Variants in CCDC178 observed in about 807,000 individuals in gnomAD.
CCDC178 encodes coiled-coil domain-containing protein 178.
In CCDC178, 126 loss-of-function variants were observed where a neutral mutation model predicts 117.4. That is an observed-to-expected ratio of 1.07 (90% CI 0.93 to 1.24). The LOEUF is 1.24. Ranked by LOEUF, CCDC178 falls within the 50% of genes most tolerant of loss-of-function variation. The probability of loss-of-function intolerance (pLI) is 0.00; values close to 1 mark genes in which losing one functional copy is unlikely to be tolerated. For synonymous variants in CCDC178, 283 were observed against 313.4 expected, an observed-to-expected ratio of 0.90 and a Z score of 1.02; for missense variants, 1,030 against 986.9, an observed-to-expected ratio of 1.04 and a Z score of -0.59.
At chr18:33,189,677 A>G (rs1050625368) in intron 20 of CCDC178, among the ~76,000 whole-genome samples, 8 of 152,176 alleles carry the variant, frequency 5.3e-5, no homozygotes, top group Admixed American at 3.9e-4. Context: ...AAGTATTTGC[A>G]ATTGACTTTA....
chr18:33,416,605 C>T (rs115883814), intron 2 of CCDC178, among the ~76,000 whole-genome samples: 9 of 152,196 alleles, frequency 5.9e-5, no homozygotes, highest in African/African-American at 2.2e-4. Context: ...AAGAACCACA[C>T]CCTACTCTCC....
At chr18:33,337,648 T>C (rs1227422895) in intron 9 of CCDC178, among the ~76,000 whole-genome samples, 1 of 151,796 alleles carries the variant, frequency 6.6e-6, no homozygotes, top group Non-Finnish European at 1.5e-5. Context: ...CAAAACAACA[T>C]AAAGTGAGGA....
intron 9 of CCDC178, among the ~76,000 whole-genome samples, chr18:33,334,188 T>A (rs896149383): frequency 2.0e-5 from 3 of 152,160 alleles, no homozygotes; most frequent in African/African-American, 4.8e-5. Flanking sequence ...CTTACCTATA[T>A]ATAAATATGT....
rs552627889 is a variant in CCDC178, at chr18:33,311,246, G to C, written c.1022+12245C>G. ...GGAGGAAGTGGGACTGAGCCCATAAGTACAAGACAAACAATCCTATTTTAT... is the reference window on the plus strand; with the variant it reads ...GGAGGAAGTGGGACTGAGCCCATAACTACAAGACAAACAATCCTATTTTAT... On this transcript the variant is annotated intron_variant, in intron 11 of 22. Coordinates refer to ENST00000383096, the MANE Select transcript of CCDC178 (RefSeq NM_001105528.4). Among the ~76,000 whole-genome samples, 81 of 152,306 alleles carry C rather than the reference G, an allele frequency of 5.3e-4. 1 individual carries two copies. The highest frequency in any genetic ancestry group is 1.8e-3 in the African/African-American group (76 of 41,562).
intron 11 of CCDC178, among the ~76,000 whole-genome samples, chr18:33,314,509 T>A (rs543383804): frequency 2.6e-5 from 4 of 151,920 alleles, no homozygotes; most frequent in Non-Finnish European, 5.9e-5. Context: ...CAAAGAAAAA[T>A]AAAACTGAAG....
At chr18:33,194,047 A>G (rs2058895806) in intron 20 of CCDC178, among the ~76,000 whole-genome samples, 2 of 152,290 alleles carry the variant, frequency 1.3e-5, no homozygotes, top group African/African-American at 2.4e-5. Flanking sequence ...TCATGGCCTG[A>G]ACACCCTCCG....
intron 20 of CCDC178, among the ~76,000 whole-genome samples, chr18:33,156,234 A>G (rs1424466997): frequency 6.6e-6 from 1 of 151,520 alleles, no homozygotes; most frequent in Non-Finnish European, 1.5e-5. Context: ...GATTAAAGGC[A>G]CCTGCCACCA....
At chr18:33,418,445 C>T (rs1281095760) in intron 2 of CCDC178, among the ~76,000 whole-genome samples, 1 of 152,104 alleles carries the variant, frequency 6.6e-6, no homozygotes, top group African/African-American at 2.4e-5. Flanking sequence ...CAAGGATTCC[C>T]ACTGTCACCA....
At chr18:32,955,173 C>A (rs2054569184) in intron 22 of CCDC178, among the ~76,000 whole-genome samples, 1 of 152,174 alleles carries the variant, frequency 6.6e-6, no homozygotes, top group African/African-American at 2.4e-5. Context: ...TATCATCTCC[C>A]TCTTTTTCTT....
intron 22 of CCDC178, among the ~76,000 whole-genome samples, chr18:32,953,095 G>A (rs1454248054): frequency 6.6e-6 from 1 of 152,030 alleles, no homozygotes; most frequent in African/African-American, 2.4e-5. Flanking sequence ...TTTATGCTCT[G>A]TCACCTCTTG....
Position 33,314,158 on chromosome 18 carries a change from G to A in CCDC178, c.1022+9333C>T, listed in dbSNP as rs923038860. On this transcript the variant is annotated intron_variant, in intron 11 of 22. Transcript: ENST00000383096. The stretch of plus-strand genomic sequence containing the variant: ...GGAGCTTGCAGTGAGCCGAGATCCC[G>A]CCACTGCACTCCAGCCTGGGTGACA... Among the ~76,000 whole-genome samples, 13 of 121,202 alleles carry A rather than the reference G, an allele frequency of 1.1e-4. No homozygotes were observed. The East Asian group carries it at 2.8e-3, about 26-fold the overall frequency. 79.5% of individuals were successfully genotyped at this position (121,202 alleles called of 152,430 possible).
chr18:32,954,067 A>G (rs538094309), intron 22 of CCDC178: 1 of 152,310 alleles, frequency 6.6e-6, no homozygotes, highest in African/African-American at 2.4e-5. Context: ...ACTTGCCTTT[A>G]AAAATGCACT....
chr18:33,224,856 T>C lies in CCDC178; in HGVS notation c.1737A>G (p.Ser579=), dbSNP rs777122360. 6.3e-7 allele frequency: 1 copy of C among 1,586,560 alleles called. No homozygotes were observed. Among genetic ancestry groups the C allele is most frequent in the Non-Finnish European group, 8.6e-7 (1 of 1,164,782 alleles). ...GCAGAGGTTCCTGTAGTTCTGCCAGTGACATGGCACATATTGCTCTATTTT... is the reference window on the plus strand; with the variant it reads ...GCAGAGGTTCCTGTAGTTCTGCCAGCGACATGGCACATATTGCTCTATTTT... ...LIKNRAICAM[S]LAELQEPLLQ... The change falls in exon 17 of 23, where the codon TCA becomes TCG. Residue 579 remains serine (S), a synonymous_variant. Transcript: ENST00000383096.
At chr18:33,296,187 AG>A (rs1265415254) in intron 11 of CCDC178, among the ~76,000 whole-genome samples, 4 of 152,166 alleles carry the variant, frequency 2.6e-5, no homozygotes, top group Non-Finnish European at 5.9e-5. Context: ...CCAAATCAAA[AG>A]TTAAATGTTA....
chr18:33,430,993 T>G (rs1191768562), intron 2 of CCDC178, among the ~76,000 whole-genome samples: 1 of 148,864 alleles, frequency 6.7e-6, no homozygotes, highest in Non-Finnish European at 1.5e-5. Context: ...GAGAATGGCG[T>G]GAACCCAGGA....
chr18:33,399,363 T>G (rs1178026901), intron 3 of CCDC178, among the ~76,000 whole-genome samples: 2 of 152,210 alleles, frequency 1.3e-5, no homozygotes, highest in East Asian at 3.9e-4. Flanking sequence ...ACAATGAAGT[T>G]TTCCTCATGG....
chr18:33,407,836 A>G (rs1003448087), intron 3 of CCDC178, among the ~76,000 whole-genome samples: 2 of 151,718 alleles, frequency 1.3e-5, no homozygotes, highest in African/African-American at 4.8e-5. Flanking sequence ...TTAGCCAAAT[A>G]CTCCAGAAAA....
chr18:33,055,883 C>T (rs2056822078), intron 21 of CCDC178, among the ~76,000 whole-genome samples: 1 of 151,718 alleles, frequency 6.6e-6, no homozygotes, highest in South Asian at 2.1e-4. Flanking sequence ...TGGCTCCCTG[C>T]AACCTCCACC....
At chr18:33,245,653 A>G (rs2059541252) in intron 14 of CCDC178, among the ~76,000 whole-genome samples, 1 of 151,850 alleles carries the variant, frequency 6.6e-6, no homozygotes, top group Non-Finnish European at 1.5e-5. Flanking sequence ...TCAGAAGCAT[A>G]AGAGCATCAA....
Sources: gnomAD v4.1 joint callset for allele counts (sites outside exome capture counted in the v4.1 genomes callset) on GRCh38, gnomAD v4.1.1 for gene constraint, MANE v1.5 for transcripts, NCBI Gene and HGNC (gene_info 2026-07-23, HGNC 2026-07-21) for gene names.